Variants in ARHGEF3 observed in about 807,000 individuals in gnomAD.
ARHGEF3 encodes the protein Rho guanine nucleotide exchange factor 3, also known as 59.8 kDA protein.
ARHGEF3 carries 28 observed loss-of-function variants against 63.2 expected under a neutral mutation model. The observed-to-expected ratio is 0.44, with a 90% CI of 0.33 to 0.61. ARHGEF3 has a LOEUF of 0.61. Among genes scored for constraint, ARHGEF3 ranks in the 20% least tolerant of loss-of-function variants. The pLI, the probability that ARHGEF3 is intolerant of heterozygous loss-of-function variation, is 0.03. For missense variants in ARHGEF3, 533 were observed against 659.3 expected, an observed-to-expected ratio of 0.81 and a Z score of 2.10; for synonymous variants, 266 against 254.2, an observed-to-expected ratio of 1.05 and a Z score of -0.44.
intron 2 of ARHGEF3, among the ~76,000 whole-genome samples, chr3:57,025,316 A>G (rs937302280): frequency 6.6e-6 from 1 of 152,226 alleles, no homozygotes; most frequent in African/African-American, 2.4e-5. Flanking sequence ...GTGAAAAACC[A>G]TCACCATCTT....
intron 2 of ARHGEF3, among the ~76,000 whole-genome samples, chr3:56,976,000 T>C (rs9859747): frequency 0.042 from 6,379 of 152,214 alleles, 476 homozygotes; most frequent in African/African-American, 0.14. Flanking sequence ...TTTCTTAACA[T>C]TTTAAAGAGA....
chr3:56,875,288 G>A (rs1426507494), intron 4 of ARHGEF3, among the ~76,000 whole-genome samples: 2 of 152,154 alleles, frequency 1.3e-5, no homozygotes, highest in Non-Finnish European at 2.9e-5. Flanking sequence ...GGACTCTATA[G>A]CAATTTGGTC....
chr3:56,754,570 T>TA (rs1196464451), intron 3 of ARHGEF3, among the ~76,000 whole-genome samples: 1 of 152,212 alleles, frequency 6.6e-6, no homozygotes, highest in Non-Finnish European at 1.5e-5. Context: ...GGGCAACTGA[T>TA]ACAGAAAACT....
chr3:56,748,025 T>C (rs2034497335), intron 6 of ARHGEF3, among the ~76,000 whole-genome samples: 1 of 152,226 alleles, frequency 6.6e-6, no homozygotes, highest in Non-Finnish European at 1.5e-5. Flanking sequence ...CTAGCTATTA[T>C]TACTTGTCCC....
chr3:56,911,752 T>C (rs575594168), intron 3 of ARHGEF3, among the ~76,000 whole-genome samples: 4 of 152,106 alleles, frequency 2.6e-5, no homozygotes, highest in South Asian at 2.1e-4. Flanking sequence ...ACTACGTCCA[T>C]GTTTACCTCA....
intron 3 of ARHGEF3, among the ~76,000 whole-genome samples, chr3:56,754,685 C>A (rs1173204629): frequency 6.6e-6 from 1 of 152,184 alleles, no homozygotes; most frequent in African/African-American, 2.4e-5. Flanking sequence ...AAGTTGCTAA[C>A]AAAATATAAC....
intron 2 of ARHGEF3, among the ~76,000 whole-genome samples, chr3:56,961,458 T>TC (rs1578960205): frequency 1.3e-5 from 2 of 151,572 alleles, no homozygotes; most frequent in South Asian, 4.2e-4. Context: ...TGAAGAGAAG[T>TC]CCCCCCAAAC....
chr3:56,881,280 C>T (rs1452676486), intron 4 of ARHGEF3, among the ~76,000 whole-genome samples: 1 of 152,180 alleles, frequency 6.6e-6, no homozygotes, highest in Admixed American at 6.5e-5. Flanking sequence ...GAAGGCTTCT[C>T]ATCTCATAAG....
chr3:56,746,533 C>G (rs1478214771), intron 6 of ARHGEF3, among the ~76,000 whole-genome samples: 1 of 152,108 alleles, frequency 6.6e-6, no homozygotes, highest in Admixed American at 6.5e-5. Context: ...AGTTTAAGAC[C>G]AGCCTGGCCA....
chr3:57,072,602 C>T (rs531988240), intron 1 of ARHGEF3, among the ~76,000 whole-genome samples: 151 of 151,324 alleles, frequency 1.0e-3, no homozygotes, highest in Middle Eastern at 3.4e-3. Flanking sequence ...ATTAGCCAGG[C>T]GTGGTGGCAC....
At chr3:56,777,665 C>A (rs113933756) in intron 1 of ARHGEF3, among the ~76,000 whole-genome samples, 1 of 152,122 alleles carries the variant, frequency 6.6e-6, no homozygotes, top group Non-Finnish European at 1.5e-5. Context: ...AGGAACTCCC[C>A]ACTCATTTTC....
At chr3:56,951,774 G>A (rs1699824478) in intron 3 of ARHGEF3, among the ~76,000 whole-genome samples, 1 of 151,884 alleles carries the variant, frequency 6.6e-6, no homozygotes, top group African/African-American at 2.4e-5. Flanking sequence ...GTATGTTAGA[G>A]GTTAGTATGA....
chr3:56,839,138 CA>C (rs11331362), intron 4 of ARHGEF3, among the ~76,000 whole-genome samples: 17,750 of 146,746 alleles, frequency 0.12, 1,140 homozygotes, highest in South Asian at 0.14. Flanking sequence ...GACCTTGTCT[CA>C]AAAAAAAAAA....
At chr3:56,740,131 C>T (rs1021166722) in intron 7 of ARHGEF3, among the ~76,000 whole-genome samples, 19 of 152,048 alleles carry the variant, frequency 1.2e-4, no homozygotes, top group African/African-American at 9.7e-5. Flanking sequence ...AACTCCTGAC[C>T]GCATGATCTG....
At chr3:56,766,467 C>T (rs2035708514) in intron 2 of ARHGEF3, among the ~76,000 whole-genome samples, 1 of 152,204 alleles carries the variant, frequency 6.6e-6, no homozygotes, top group Admixed American at 6.5e-5. Context: ...CCATCACTGG[C>T]AGCCACTGCC....
intron 1 of ARHGEF3, among the ~76,000 whole-genome samples, chr3:56,791,061 C>T (rs1450028204): frequency 1.3e-5 from 2 of 152,046 alleles, no homozygotes; most frequent in Non-Finnish European, 2.9e-5. Context: ...CTATTTATCA[C>T]CTCTGCTGCA....
intron 1 of ARHGEF3, among the ~76,000 whole-genome samples, chr3:57,067,969 G>A (rs927547453): frequency 6.6e-5 from 10 of 151,718 alleles, no homozygotes; most frequent in East Asian, 1.9e-4. Flanking sequence ...CAGCCTGGGC[G>A]ACAGAGCAAG....
chr3:56,742,492 C>A (rs769155393), intron 7 of ARHGEF3, among the ~76,000 whole-genome samples: 3 of 152,132 alleles, frequency 2.0e-5, no homozygotes, highest in African/African-American at 7.2e-5. Flanking sequence ...ATTTACTTAG[C>A]GCTCTCTGAT....
At chr3:56,825,619 T>C (rs1405504878) in intron 4 of ARHGEF3, among the ~76,000 whole-genome samples, 4 of 152,226 alleles carry the variant, frequency 2.6e-5, no homozygotes, top group African/African-American at 9.6e-5. Context: ...CTAAAGTTAT[T>C]GCTCTTATCA....
Sources: gnomAD v4.1 joint callset for allele counts (sites outside exome capture counted in the v4.1 genomes callset) on GRCh38, gnomAD v4.1.1 for gene constraint, MANE v1.5 for transcripts, NCBI Gene and HGNC (gene_info 2026-07-23, HGNC 2026-07-21) for gene names.